SYNE1: variants seen among roughly 807,000 people sequenced by gnomAD.
The protein encoded by SYNE1 is nesprin-1.
Under a neutral mutation model 1,111.0 loss-of-function variants are expected in SYNE1, and 616 were observed. The observed-to-expected ratio is 0.55, with a 90% confidence interval of 0.52 to 0.59. The LOEUF is 0.59. Among genes scored for constraint, SYNE1 ranks in the 20% least tolerant of loss-of-function variants. The probability of loss-of-function intolerance (pLI) is 0.00; values close to 1 mark genes in which losing one functional copy is unlikely to be tolerated. For missense variants in SYNE1, 10,006 were observed against 10,417.0 expected (o/e 0.96, Z 1.72); for synonymous variants, 3,855 against 3,825.8 (o/e 1.01, Z -0.28).
chr6:152,603,921 ATATATG>A, intron 3 of SYNE1, among the ~76,000 whole-genome samples: 1 of 147,894 alleles, frequency 6.8e-6, no homozygotes, highest in Non-Finnish European at 1.5e-5. Context: ...CTATATATAC[ATATATG>A]TATATGTATA....
At chr6:152,309,473 G>GA (rs900253945) in intron 90 of SYNE1, among the ~76,000 whole-genome samples, 2 of 152,160 alleles carry the variant, frequency 1.3e-5, no homozygotes, top group African/African-American at 4.8e-5. Flanking sequence ...GCTGAAATAT[G>GA]AAAAAAACTC....
At chr6:152,565,857 A>G (rs1293176979) in intron 3 of SYNE1, among the ~76,000 whole-genome samples, 1 of 152,190 alleles carries the variant, frequency 6.6e-6, no homozygotes, top group Non-Finnish European at 1.5e-5. Flanking sequence ...TGTGGGGTTT[A>G]AAAGTTAGAA....
At chr6:152,541,427 C>T (rs188754696) in intron 3 of SYNE1, among the ~76,000 whole-genome samples, 1 of 152,132 alleles carries the variant, frequency 6.6e-6, no homozygotes, top group East Asian at 1.9e-4. Context: ...ATTTGGCTCT[C>T]AGGTTACAAG....
intron 91 of SYNE1, among the ~76,000 whole-genome samples, chr6:152,306,903 CAAA>C (rs973985274): frequency 2.3e-4 from 14 of 60,574 alleles, no homozygotes; most frequent in East Asian, 4.9e-4. Flanking sequence ...GACTGTGTCT[CAAA>C]AAAAAAAAAA....
chr6:152,265,080 C>T (rs1351465576), intron 100 of SYNE1, among the ~76,000 whole-genome samples: 1 of 151,692 alleles, frequency 6.6e-6, no homozygotes, highest in Non-Finnish European at 1.5e-5. Flanking sequence ...GTGGTGGGCA[C>T]CTGTAATCCC....
At chr6:152,614,707 A>C (rs2099641124) in intron 3 of SYNE1, among the ~76,000 whole-genome samples, 1 of 152,212 alleles carries the variant, frequency 6.6e-6, no homozygotes, top group Non-Finnish European at 1.5e-5. Context: ...AGCACTATTC[A>C]CAATAGCAAA....
chr6:152,331,419 G>A lies in SYNE1; in HGVS notation c.13266C>T (p.Val4422=). Residue 4422 remains valine, a synonymous_variant, in exon 78 of 146, where the codon GTC becomes GTT. Transcript: ENST00000367255. The part of the protein sequence containing the change: ...MADLGLNERQ[V]IQKALSDAQS... ...GTGCATCAGAGAGAGCCTTCTGGAT[G>A]ACCTGTCGCTCATTGAGACCAAGAT... 6.2e-7 allele frequency: 1 copy of A among 1,614,144 alleles called. No individual in the cohort carries two copies. Among genetic ancestry groups the A allele is most frequent in the South Asian group, 1.1e-5 (1 of 91,074 alleles).
At chr6:152,602,016 C>A (rs1565116532) in intron 3 of SYNE1, among the ~76,000 whole-genome samples, 1 of 152,020 alleles carries the variant, frequency 6.6e-6, no homozygotes, top group Non-Finnish European at 1.5e-5. Flanking sequence ...CCTTTGATGC[C>A]AAAGTCAGGA....
At position 152,331,672 on chromosome 6, in the gene SYNE1, A is replaced by G; in HGVS notation, c.13013T>C (p.Val4338Ala). ...TAACTCCTCCAAGTTGGTGACTGAC[A>G]CTTGGATTTTCCTTTTAATGAGGTC... ...LEDLIKRKIQ[V>A]SVTNLEELNV... The change falls in exon 78 of 146, where the codon GTG becomes GCG. Residue 4338 changes from valine (V) to alanine (A), a missense_variant. Val to Ala is a moderately conservative substitution (Grantham distance 64, BLOSUM62 0). This residue lies in a region of SYNE1 where 4,955 missense variants were observed against 5,017.2 expected (regional missense o/e 0.99). Coordinates refer to ENST00000367255, the MANE Select transcript of SYNE1 (RefSeq NM_182961.4). 6 of 1,614,194 alleles carry G rather than the reference A, an allele frequency of 3.7e-6. No homozygotes were observed. The highest frequency in any genetic ancestry group is 4.2e-6 in the Non-Finnish European group (5 of 1,180,034).
intron 54 of SYNE1, among the ~76,000 whole-genome samples, chr6:152,386,822 A>C (rs1274951835): frequency 1.3e-5 from 2 of 152,180 alleles, no homozygotes; most frequent in Non-Finnish European, 2.9e-5. Flanking sequence ...AAAGAGAAAA[A>C]TAAGCAATAA....
At chr6:152,216,558 C>T (rs73781101) in intron 121 of SYNE1, among the ~76,000 whole-genome samples, 4,449 of 152,064 alleles carry the variant, frequency 0.029, 200 homozygotes, top group African/African-American at 0.1. Context: ...CACAGTGGCA[C>T]GGGAGTGGCT....
In SYNE1 at chr6:152,462,807, G is replaced by A; in HGVS notation, c.2181C>T (p.Ala727=). 6.2e-7 allele frequency: 1 copy of A among 1,613,886 alleles called. No homozygotes were observed. Residue 727 remains alanine, a synonymous_variant, in exon 20 of 146, where the codon GCC becomes GCT. Transcript: ENST00000367255. ...CTAAGGGTTCAGAAAGTTTCTTATGGGCTTCCGTTGCAAAAGCAGACAGGG... is the reference window on the plus strand; with the variant it reads ...CTAAGGGTTCAGAAAGTTTCTTATGAGCTTCCGTTGCAAAAGCAGACAGGG... ...VVTLSAFATE[A]HKKLSEPLEV...
At position 152,416,715 on chromosome 6, in the gene SYNE1, C is replaced by A. The variant is rs369176646; in HGVS notation, c.5722G>T (p.Asp1908Tyr). 1 of 1,614,228 alleles carries A rather than the reference C, an allele frequency of 6.2e-7. No homozygotes were observed. The highest frequency in any genetic ancestry group is 2.2e-5 in the East Asian group (1 of 44,886). The part of the protein sequence containing the change: ...NKNESDLIEK[D>Y]LNDALQNAKA... ...GCATTTTGAAGAGCATCATTGAGGT[C>A]CTTTTCTATCAAATCAGACTCGTTC... The change falls in exon 41 of 146, where the codon GAC becomes TAC. Residue 1908 changes from aspartate to tyrosine, a missense_variant. By Grantham distance (160) the Asp-to-Tyr change is radical. This residue lies in a region of SYNE1 where 4,955 missense variants were observed against 5,017.2 expected (regional missense o/e 0.99). Transcript: ENST00000367255.
chr6:152,423,276 A>G (rs1392889800), intron 39 of SYNE1, among the ~76,000 whole-genome samples: 2 of 152,350 alleles, frequency 1.3e-5, no homozygotes, highest in East Asian at 3.9e-4. Context: ...AATATGGCAT[A>G]TATTCTGTAT....
At chr6:152,191,395 C>T (rs997122637) in intron 127 of SYNE1, among the ~76,000 whole-genome samples, 13 of 152,080 alleles carry the variant, frequency 8.5e-5, no homozygotes, top group East Asian at 1.9e-4. Flanking sequence ...AATTCAGTAG[C>T]GAAGCCATCA....
intron 114 of SYNE1, 86 bp downstream of exon 114, chr6:152,231,305 T>C (rs974624308): frequency 6.2e-6 from 9 of 1,462,320 alleles, no homozygotes; most frequent in Non-Finnish European, 8.6e-6. Flanking sequence ...ATAGCCACGC[T>C]ACTTGTGAAC....
chr6:152,520,526 C>T lies in SYNE1; in HGVS notation c.242G>A (p.Arg81His), dbSNP rs761189574. The T allele has an allele frequency of 1.2e-5, 19 of 1,613,384 alleles. No individual in the cohort carries two copies. Among genetic ancestry groups the T allele is most frequent in the South Asian group, 7.7e-5 (7 of 91,062 alleles). Reference sequence around the variant, plus strand: ...CACAGCATGGATTCGCTTCATCCGGCGTCCTTGTTCACAAGGCTGTAAAAA... The same window carrying T: ...CACAGCATGGATTCGCTTCATCCGGTGTCCTTGTTCACAAGGCTGTAAAAA... ...SGQKLPCEQGRRMKRIHAVAN... is the reference protein window; with the variant it reads ...SGQKLPCEQGHRMKRIHAVAN... The change falls in exon 6 of 146, where the codon CGC becomes CAC. Residue 81 changes from arginine to histidine, a missense_variant. Physicochemically the swap from Arg to His is conservative, Grantham distance 29 (BLOSUM62 0). Coordinates refer to ENST00000367255, the MANE Select transcript of SYNE1 (RefSeq NM_182961.4).
At position 152,164,848 on chromosome 6, in the gene SYNE1, T is replaced by C. The variant is rs17082266; in HGVS notation, c.23628-523A>G. 5.2e-3 allele frequency among the ~76,000 whole-genome samples: 786 copies of C among 152,256 alleles called. 17 individuals are homozygous for C. In the East Asian group the frequency reaches 0.063, roughly 12 times the overall value. Reference sequence around the variant, plus strand: ...TGGTTCAGGAAATATGGCCACCTAATTGGCACTGCTCATAACAGAGGTAAA... The same window carrying C: ...TGGTTCAGGAAATATGGCCACCTAACTGGCACTGCTCATAACAGAGGTAAA... On this transcript the variant is annotated intron_variant, in intron 130 of 145. Coordinates refer to ENST00000367255, the MANE Select transcript of SYNE1 (RefSeq NM_182961.4).
intron 3 of SYNE1, among the ~76,000 whole-genome samples, chr6:152,551,588 A>G (rs2099347126): frequency 6.6e-6 from 1 of 152,212 alleles, no homozygotes; most frequent in Non-Finnish European, 1.5e-5. Flanking sequence ...TTGTAAATGC[A>G]AAGAAAAGTT....
Sources: gnomAD v4.1 joint callset for allele counts (sites outside exome capture counted in the v4.1 genomes callset) on GRCh38, gnomAD v4.1.1 for gene constraint, gnomAD v4.1.1 regional missense constraint, MANE v1.5 for transcripts, NCBI Gene and HGNC (gene_info 2026-07-23, HGNC 2026-07-21) for gene names.